Variants in XKR6 observed in about 807,000 individuals in gnomAD.
XKR6 encodes the protein XK-related protein 6.
Under a neutral mutation model 56.7 loss-of-function variants are expected in XKR6, and 22 were observed. That is an observed-to-expected ratio of 0.39 (90% CI 0.28 to 0.55). XKR6 has a LOEUF of 0.55. XKR6 is among the 20% of genes least tolerant of loss of function. XKR6 has a pLI of 0.66. For synonymous variants in XKR6, 524 were observed against 387.8 expected (o/e 1.35, Z -4.13); for missense variants, 852 against 889.0 (o/e 0.96, Z 0.53).
At chr8:11,007,718 C>A (rs1586424491) in intron 1 of XKR6, among the ~76,000 whole-genome samples, 1 of 152,282 alleles carries the variant, frequency 6.6e-6, no homozygotes, top group Middle Eastern at 3.4e-3. Flanking sequence ...TTACCTACTC[C>A]TGGTTGCTGT....
intron 1 of XKR6, among the ~76,000 whole-genome samples, chr8:11,161,818 G>T (rs144169188): frequency 1.3e-5 from 2 of 152,064 alleles, no homozygotes; most frequent in Non-Finnish European, 2.9e-5. Context: ...ATATCATCAG[G>T]TACCTGCAAC....
intron 2 of XKR6, among the ~76,000 whole-genome samples, chr8:10,916,787 A>G (rs1242263655): frequency 6.6e-6 from 1 of 152,228 alleles, no homozygotes; most frequent in Non-Finnish European, 1.5e-5. Context: ...ATGGGAGCAG[A>G]GAAAACCGAA....
At position 11,155,398 on chromosome 8, in the gene XKR6, T is replaced by C. The variant is rs191061531; in HGVS notation, c.764+45178A>G. On this transcript the variant is annotated intron_variant, in intron 1 of 2. Coordinates refer to ENST00000416569, the MANE Select transcript of XKR6 (RefSeq NM_173683.4). ...CAAAGACTTTATAATGTGAATATTT[T>C]AAAATCTCATTTTATAAAGTGAACA... Among the ~76,000 whole-genome samples, 4 of 152,334 alleles carry C rather than the reference T, an allele frequency of 2.6e-5. No individual in the cohort carries two copies. In the East Asian group the frequency reaches 7.7e-4, roughly 29 times the overall value.
At chr8:11,123,136 C>A (rs2129184319) in intron 1 of XKR6, among the ~76,000 whole-genome samples, 1 of 151,016 alleles carries the variant, frequency 6.6e-6, no homozygotes, top group South Asian at 2.1e-4. Flanking sequence ...ACTCGGGAGG[C>A]TGAGGCAGGA....
intron 1 of XKR6, among the ~76,000 whole-genome samples, chr8:10,935,673 G>A (rs1310427156): frequency 1.3e-5 from 2 of 151,532 alleles, no homozygotes; most frequent in African/African-American, 4.9e-5. Flanking sequence ...TAGTCATTCA[G>A]GAGCACGTTG....
intron 1 of XKR6, among the ~76,000 whole-genome samples, chr8:11,122,311 A>G (rs2409710): frequency 0.58 from 88,295 of 152,238 alleles, 28,788 homozygotes; most frequent in African/African-American, 0.87. Context: ...AATGTGCTAC[A>G]AAACTATTAT....
chr8:11,156,357 A>C (rs1170963426), intron 1 of XKR6, among the ~76,000 whole-genome samples: 2 of 152,156 alleles, frequency 1.3e-5, no homozygotes, highest in Admixed American at 6.5e-5. Flanking sequence ...CATCTCATCC[A>C]ATGTAAAACT....
At chr8:10,954,866 C>CTCTTTTTTTTTTTTTTTTTTTTTTTT (rs1563309729) in intron 1 of XKR6, among the ~76,000 whole-genome samples, 2 of 92,794 alleles carry the variant, frequency 2.2e-5, no homozygotes, top group Non-Finnish European at 4.4e-5. Context: ...ACTTCATTCT[C>CTCTTTTTTTTTTTTTTTTTTTTTTTT]TTTTTTTTTT....
intron 1 of XKR6, among the ~76,000 whole-genome samples, chr8:11,045,075 CTTTTTTTTT>C (rs5889356): frequency 3.1e-4 from 11 of 35,994 alleles, no homozygotes; most frequent in South Asian, 1.6e-3. Flanking sequence ...TCAAATCACT[CTTTTTTTTT>C]TTTTTTTTTT....
chr8:11,087,707 T>C (rs190853722), intron 1 of XKR6, among the ~76,000 whole-genome samples: 19 of 152,280 alleles, frequency 1.2e-4, no homozygotes, highest in African/African-American at 4.6e-4. Flanking sequence ...AGCTACTGAA[T>C]TAGCTAATCC....
intron 2 of XKR6, among the ~76,000 whole-genome samples, chr8:10,902,437 C>T (rs1800061184): frequency 6.6e-6 from 1 of 152,172 alleles, no homozygotes; most frequent in Non-Finnish European, 1.5e-5. Flanking sequence ...TCCTGAGAAC[C>T]ACCGGCCATC....
intron 1 of XKR6, among the ~76,000 whole-genome samples, chr8:11,096,094 T>C (rs1221549479): frequency 1.3e-5 from 2 of 152,238 alleles, no homozygotes; most frequent in Non-Finnish European, 2.9e-5. Flanking sequence ...TATGTACCAG[T>C]GACAAAAGTT....
chr8:10,924,935 T>A, intron 1 of XKR6, 105 bp from the exon 2 acceptor site: 1 of 1,214,598 alleles, frequency 8.2e-7, no homozygotes. Flanking sequence ...TCCCCCCAAC[T>A]CCCTATGCTC....
chr8:11,089,810 C>T (rs1465910073), intron 1 of XKR6, among the ~76,000 whole-genome samples: 1 of 152,172 alleles, frequency 6.6e-6, no homozygotes, highest in East Asian at 1.9e-4. Flanking sequence ...TCATCTTCCC[C>T]TTCCTGGAGG....
chr8:11,198,197 C>G (rs1803995711), intron 1 of XKR6, among the ~76,000 whole-genome samples: 1 of 152,138 alleles, frequency 6.6e-6, no homozygotes, highest in African/African-American at 2.4e-5. Context: ...TCCTCTAAAG[C>G]TTTTACATAT....
chr8:11,200,966 G>T lies in XKR6; in HGVS notation c.374C>A (p.Pro125Gln), dbSNP rs765527030. The change falls in exon 1 of 3, where the codon CCG becomes CAG. Residue 125 changes from proline (P) to glutamine (Q), a missense_variant. Transcript: ENST00000416569. The surrounding 1 kb of genome is among the most constrained non-coding windows in gnomAD (Gnocchi z 6.4). ...CACGATCCACAGGCAGTCGAGCCACGGCCGCTCCACCTGCGGCGGCGGCGG... is the reference window on the plus strand; with the variant it reads ...CACGATCCACAGGCAGTCGAGCCACTGCCGCTCCACCTGCGGCGGCGGCGG... ...PEPPPPQVER[P>Q]WLDCLWIVLA... 8 of 1,527,484 alleles carry T rather than the reference G, an allele frequency of 5.2e-6. 1 individual carries two copies. In the South Asian group the frequency reaches 9.8e-5, roughly 19 times the overall value. The allele number at this position is 1,527,484 out of a possible 1,614,324, so 94.6% of individuals were successfully genotyped here. A position where few individuals can be genotyped will look rare whatever the true frequency, so the allele number is the denominator to read the frequency against.
At chr8:11,031,818 C>T in intron 1 of XKR6, among the ~76,000 whole-genome samples, 1 of 152,232 alleles carries the variant, frequency 6.6e-6, no homozygotes, top group East Asian at 1.9e-4. Flanking sequence ...ATCTTCATTC[C>T]TATACTGGAA....
intron 1 of XKR6, among the ~76,000 whole-genome samples, chr8:10,991,710 C>A (rs1166556401): frequency 2.6e-5 from 4 of 152,160 alleles, no homozygotes; most frequent in South Asian, 2.1e-4. Flanking sequence ...ATCATGATTT[C>A]TAAATTTATT....
intron 1 of XKR6, among the ~76,000 whole-genome samples, chr8:11,114,883 G>A (rs560134905): frequency 3.3e-5 from 5 of 152,068 alleles, no homozygotes; most frequent in Admixed American, 6.6e-5. Context: ...AGCAGTACTC[G>A]TACAACATGA....
Sources: gnomAD v4.1 joint callset for allele counts (sites outside exome capture counted in the v4.1 genomes callset) on GRCh38, gnomAD v4.1.1 for gene constraint, Gnocchi (gnomAD v3.1) non-coding constraint, MANE v1.5 for transcripts, NCBI Gene and HGNC (gene_info 2026-07-23, HGNC 2026-07-21) for gene names.